CDH26: variants seen among roughly 807,000 people sequenced by gnomAD.
CDH26 encodes the protein cadherin-like protein 26.
CDH26 carries 83 observed loss-of-function variants against 90.3 expected under a neutral mutation model. The observed-to-expected ratio is 0.92, with a 90% confidence interval of 0.77 to 1.10. CDH26 has a LOEUF of 1.10. CDH26 is among the 50% of genes least tolerant of loss of function. CDH26 has a pLI of 0.00. For missense variants in CDH26, 1,013 were observed against 1,037.6 expected (o/e 0.98, Z 0.33); for synonymous variants, 397 against 396.3 (o/e 1.00, Z -0.02).
chr20:59,988,735 A>G (rs2061488388), intron 8 of CDH26, among the ~76,000 whole-genome samples, 169 bp from the exon 9 acceptor site: 1 of 152,208 alleles, frequency 6.6e-6, no homozygotes, highest in South Asian at 2.1e-4. Flanking sequence ...TCCATAAATG[A>G]TTTGAAAATG....
rs760516934 is a variant in CDH26 at position 59,984,735 on chromosome 20, T to C, written c.638T>C (p.Leu213Pro). The change falls in exon 6 of 18, where the codon CTG (leucine) becomes CCG (proline). Residue 213 changes from leucine to proline, a missense_variant. By Grantham distance (98) the Leu-to-Pro change is moderately conservative. Coordinates refer to ENST00000348616, the MANE Select transcript of CDH26 (RefSeq NM_177980.4). The part of the protein sequence containing the change: ...LYFLISQTPL[L>P]KESGFRVDRL... The stretch of plus-strand genomic sequence containing the variant: ...TTCCTCATTTCTCAAACACCATTAC[T>C]GAAAGAAAGTGGTTTCCGGGTTGAT... The C allele has an allele frequency of 3.7e-6, 6 of 1,614,024 alleles. No individual in the cohort carries two copies. Among genetic ancestry groups the C allele is most frequent in the Non-Finnish European group, 4.2e-6 (5 of 1,179,944 alleles).
intron 17 of CDH26, among the ~76,000 whole-genome samples, chr20:60,011,167 G>A (rs780505839): frequency 3.9e-5 from 6 of 152,202 alleles, no homozygotes; most frequent in Non-Finnish European, 8.8e-5. Flanking sequence ...AAATACTGCC[G>A]AGCATTTGAG....
chr20:59,986,337 G>A (rs2061458308), intron 7 of CDH26, among the ~76,000 whole-genome samples: 1 of 152,218 alleles, frequency 6.6e-6, no homozygotes, highest in African/African-American at 2.4e-5. Flanking sequence ...CGCTGTGTAA[G>A]ATGGTTTGGG....
At chr20:60,023,475 T>C (rs1016832010) in intron 7 of CDH26, among the ~76,000 whole-genome samples, 1 of 152,244 alleles carries the variant, frequency 6.6e-6, no homozygotes, top group Non-Finnish European at 1.5e-5. Context: ...ACAAAGCATT[T>C]GATAAAAACC....
At chr20:60,010,808 G>A (rs989961395) in intron 17 of CDH26, among the ~76,000 whole-genome samples, 2 of 151,580 alleles carry the variant, frequency 1.3e-5, no homozygotes, top group Non-Finnish European at 2.9e-5. Flanking sequence ...CGCAGAGCAG[G>A]CACCTCTGGC....
chr20:59,963,832 A>C (rs1401332907), intron 1 of CDH26, among the ~76,000 whole-genome samples: 3 of 152,052 alleles, frequency 2.0e-5, no homozygotes, highest in African/African-American at 7.2e-5. Context: ...ATGAAAGCTT[A>C]AGAGGCTTTC....
rs748377796 is a variant in CDH26, at chr20:59,984,712, C to T, written c.615C>T (p.Phe205=). The change falls in exon 6 of 18, where the codon TTC becomes TTT. Residue 205 remains phenylalanine, a synonymous_variant. Transcript: ENST00000348616. The part of the protein sequence containing the change: ...ENTPNSQVLY[F]LISQTPLLKE... ...CTCCAAATTCTCAAGTCCTTTACTTCCTCATTTCTCAAACACCATTACTGA... is the reference window on the plus strand; with the variant it reads ...CTCCAAATTCTCAAGTCCTTTACTTTCTCATTTCTCAAACACCATTACTGA... The T allele has an allele frequency of 3.7e-6, 6 of 1,613,992 alleles. No individual in the cohort carries two copies. In the South Asian group the frequency reaches 6.6e-5, roughly 18 times the overall value.
chr20:59,996,020 G>C lies in CDH26; in HGVS notation c.1854G>C (p.Leu618=). ...DAEVGLHVGA[L]FPVCAAFVAL... ...AAGTGGGGCTTCATGTGGGGGCCCT[G>C]TTCCCTGTCTGTGCAGCATTTGTGG... Residue 618 remains leucine, a synonymous_variant, in exon 12 of 18, where the codon CTG becomes CTC. Transcript: ENST00000348616. 1 of 1,613,874 alleles carries C rather than the reference G, an allele frequency of 6.2e-7. No individual in the cohort carries two copies. The highest frequency in any genetic ancestry group is 1.7e-4 in the Middle Eastern group (1 of 5,832).
intron 7 of CDH26, among the ~76,000 whole-genome samples, chr20:60,020,376 G>A (rs1404803825): frequency 6.6e-6 from 1 of 152,232 alleles, no homozygotes; most frequent in Admixed American, 6.5e-5. Flanking sequence ...GTGCCTCAGG[G>A]ACCTCTCCCA....
At chr20:59,981,643 T>C (rs2061396315) in intron 4 of CDH26, among the ~76,000 whole-genome samples, 1 of 152,182 alleles carries the variant, frequency 6.6e-6, no homozygotes, top group Admixed American at 6.5e-5. Context: ...ATCCTTTTAA[T>C]ATATTTCTGG....
intron 7 of CDH26, among the ~76,000 whole-genome samples, chr20:60,022,254 C>T (rs1034972975): frequency 2.6e-5 from 4 of 152,174 alleles, no homozygotes; most frequent in South Asian, 2.1e-4. Context: ...TTCTTGCTAA[C>T]GGCAATGAAT....
chr20:60,010,866 C>T (rs570810514), intron 17 of CDH26, among the ~76,000 whole-genome samples: 1 of 152,030 alleles, frequency 6.6e-6, no homozygotes, highest in African/African-American at 2.4e-5. Flanking sequence ...TGCCCAGGGT[C>T]CTCCCACTCT....
At chr20:60,021,624 A>G (rs2061951901) in intron 7 of CDH26, among the ~76,000 whole-genome samples, 1 of 152,104 alleles carries the variant, frequency 6.6e-6, no homozygotes, top group Admixed American at 6.6e-5. Context: ...ACTACTGGCT[A>G]CAAAATGTCA....
rs193261242 is a variant in CDH26, at chr20:60,010,429, G to A, written c.2296-2098G>A. On this transcript the variant is annotated intron_variant, in intron 17 of 17. Coordinates refer to ENST00000348616, the MANE Select transcript of CDH26 (RefSeq NM_177980.4). The stretch of plus-strand genomic sequence containing the variant: ...AAACCCATTCCTGCCAAGGTCTGTA[G>A]AACTGGCGCTGGGTTCAGATAGCAC... 4.1e-4 allele frequency among the ~76,000 whole-genome samples: 62 copies of A among 152,312 alleles called. No individual in the cohort carries two copies. The Middle Eastern group carries it at 0.01, about 25-fold the overall frequency.
downstream of CDH26, among the ~76,000 whole-genome samples, chr20:60,035,526 C>G (rs2062075610): frequency 6.6e-6 from 1 of 152,014 alleles, no homozygotes; most frequent in South Asian, 2.1e-4. Context: ...TTATGAGCCA[C>G]TTATTTTCCT....
intron 5 of CDH26, among the ~76,000 whole-genome samples, chr20:59,983,758 G>A (rs1174224612): frequency 6.6e-6 from 1 of 151,866 alleles, no homozygotes; most frequent in Non-Finnish European, 1.5e-5. Context: ...CTTTATCATA[G>A]TACACATTGT....
intron 4 of CDH26, among the ~76,000 whole-genome samples, chr20:59,976,012 C>T (rs1465740363): frequency 1.3e-5 from 2 of 152,172 alleles, no homozygotes; most frequent in Non-Finnish European, 2.9e-5. Flanking sequence ...CTATTTATAT[C>T]AAAATATGCT....
At chr20:60,024,449 G>A (rs895110231) in intron 7 of CDH26, among the ~76,000 whole-genome samples, 1 of 152,234 alleles carries the variant, frequency 6.6e-6, no homozygotes, top group Non-Finnish European at 1.5e-5. Flanking sequence ...GATAGTTTTA[G>A]TCACAGCTCT....
At position 60,030,623 on chromosome 20, in the gene CDH26, A is replaced by C. The variant is rs2062033064; in HGVS notation, c.948-608A>C. Among the ~76,000 whole-genome samples, 1 of 152,164 alleles carries C rather than the reference A, an allele frequency of 6.6e-6. No homozygotes were observed. Among genetic ancestry groups the C allele is most frequent in the Non-Finnish European group, 1.5e-5 (1 of 68,028 alleles). ...AACTGAGCCAGTGAGAGTGGGGCCC[A>C]GGGTCTTTCCAACTCTTTGGATGGA... On this transcript the variant is annotated intron_variant, in intron 7 of 8. Coordinates refer to the CDH26 transcript ENST00000370991. The surrounding 1 kb of genome is among the most constrained non-coding windows in gnomAD (Gnocchi z 4.0).
Sources: allele counts gnomAD v4.1 joint callset (sites outside exome capture counted in the v4.1 genomes callset), GRCh38; gene constraint gnomAD v4.1.1; non-coding constraint Gnocchi (gnomAD v3.1); transcripts MANE v1.5; gene names NCBI Gene and HGNC (gene_info 2026-07-23, HGNC 2026-07-21).